The following TMEM50A variants were observed in gnomAD, a reference collection of about 807,000 sequenced individuals.
TMEM50A encodes transmembrane protein 50A.
In TMEM50A, 8 loss-of-function variants were observed where a neutral mutation model predicts 23.9. The observed-to-expected ratio is 0.33, with a 90% CI of 0.20 to 0.60. The LOEUF is 0.60. Ranked by LOEUF, TMEM50A falls within the 20% of genes least tolerant of loss-of-function variation. The probability of loss-of-function intolerance (pLI) is 0.81; values close to 1 mark genes in which losing one functional copy is unlikely to be tolerated. For missense variants in TMEM50A, 178 were observed against 192.7 expected (o/e 0.92, Z 0.45); for synonymous variants, 55 against 60.4 (o/e 0.91, Z 0.41).
intron 2 of TMEM50A, among the ~76,000 whole-genome samples, chr1:25,341,903 G>A (rs1339107696): frequency 2.0e-5 from 3 of 151,580 alleles, no homozygotes; most frequent in Non-Finnish European, 4.4e-5. Context: ...TAGAGATGAG[G>A]TCTCTCCATG....
intron 5 of TMEM50A, among the ~76,000 whole-genome samples, chr1:25,355,061 C>T (rs1188153473): frequency 4.6e-5 from 7 of 152,184 alleles, no homozygotes; most frequent in Non-Finnish European, 1.0e-4. Context: ...AGTGAGCCAC[C>T]ACGCCCAGCC....
At chr1:25,349,651 T>C (rs2124249772) in intron 3 of TMEM50A, among the ~76,000 whole-genome samples, 1 of 152,328 alleles carries the variant, frequency 6.6e-6, no homozygotes, top group East Asian at 1.9e-4. Context: ...TACAAGGTCT[T>C]ACTATGTTGC....
chr1:25,349,148 G>A (rs914174890), intron 3 of TMEM50A, among the ~76,000 whole-genome samples: 1 of 152,186 alleles, frequency 6.6e-6, no homozygotes, highest in African/African-American at 2.4e-5. Flanking sequence ...CGCTAAGAGT[G>A]CCCAGAACAG....
At position 25,361,594 on chromosome 1, in the gene TMEM50A, T is replaced by C. The variant is rs892014357; in HGVS notation, c.*889T>C. 2 of 152,388 alleles carry C rather than the reference T, an allele frequency of 1.3e-5. No individual in the cohort carries two copies. Among genetic ancestry groups the C allele is most frequent in the African/African-American group, 4.8e-5 (2 of 41,456 alleles). 9.4% of individuals were successfully genotyped at this position (152,388 alleles called of 1,614,324 possible). ...AACATTAGCTACTGGGAACTCTTGT[T>C]GTCTCTTCCTCTTCAGAACTCTTGT... On this transcript the variant is annotated 3_prime_UTR_variant, in exon 7 of 7. Transcript: ENST00000374358.
chr1:25,356,728 C>T (rs1645336725), intron 5 of TMEM50A, 65 bp from the exon 6 acceptor site: 35 of 1,222,414 alleles, frequency 2.9e-5, no homozygotes, highest in Non-Finnish European at 4.0e-5. Context: ...CTGGTATTTG[C>T]CAATATATCT....
chr1:25,350,577 G>A (rs959389224), intron 3 of TMEM50A, among the ~76,000 whole-genome samples: 5 of 151,914 alleles, frequency 3.3e-5, no homozygotes, highest in Admixed American at 6.6e-5. Flanking sequence ...TAGTAGAGAC[G>A]GGGTTTCTCT....
intron 3 of TMEM50A, among the ~76,000 whole-genome samples, chr1:25,345,544 C>T (rs1645205618): frequency 6.6e-6 from 1 of 151,912 alleles, no homozygotes; most frequent in African/African-American, 2.4e-5. Context: ...CATGCCACTA[C>T]ACTCCAGCCT....
chr1:25,347,853 C>T (rs775936965), intron 3 of TMEM50A, among the ~76,000 whole-genome samples: 1 of 152,160 alleles, frequency 6.6e-6, no homozygotes, highest in Non-Finnish European at 1.5e-5. Context: ...CATCTTGTTG[C>T]AATTTATTTT....
intron 2 of TMEM50A, chr1:25,342,523 G>C (rs1398832458): frequency 2.6e-5 from 4 of 152,778 alleles, no homozygotes; most frequent in Non-Finnish European, 4.4e-5. Flanking sequence ...CAAGAAGATA[G>C]CTAAAATTCT....
chr1:25,351,242 T>A (rs1351007418), intron 3 of TMEM50A, among the ~76,000 whole-genome samples: 2 of 151,880 alleles, frequency 1.3e-5, no homozygotes, highest in Non-Finnish European at 2.9e-5. Flanking sequence ...TGAAGGCTTA[T>A]GAGCCAGGTG....
intron 5 of TMEM50A, among the ~76,000 whole-genome samples, chr1:25,355,878 T>G (rs960607443): frequency 5.9e-5 from 9 of 152,350 alleles, no homozygotes; most frequent in African/African-American, 1.9e-4. Context: ...TTCCAGGTGT[T>G]TAGGCCAAAA....
rs775789415 is a variant in TMEM50A, at chr1:25,345,120, CTTTTTTTTTTT to C, written c.206+2057_206+2067del. 3.5e-4 allele frequency among the ~76,000 whole-genome samples: 41 copies of C among 117,464 alleles called. 1 individual carries two copies. Among genetic ancestry groups the C allele is most frequent in the African/African-American group, 1.2e-3 (36 of 31,152 alleles). The allele number at this position is 117,464 out of a possible 152,430, so 77.1% of individuals were successfully genotyped here. The stretch of plus-strand genomic sequence containing the variant: ...ACTGTTTTTCCAGTTACCACATCTT[CTTTTTTTTTTT>C]TTTTTTTTTGGATACAAGAAGTATT... On this transcript the variant is annotated intron_variant, in intron 3 of 6. Coordinates refer to ENST00000374358, the MANE Select transcript of TMEM50A (RefSeq NM_014313.4).
At chr1:25,350,554 A>C (rs1645265349) in intron 3 of TMEM50A, among the ~76,000 whole-genome samples, 1 of 151,986 alleles carries the variant, frequency 6.6e-6, no homozygotes. Context: ...ATGCCCAGCT[A>C]ATTTTGTATT....
At chr1:25,357,866 T>C (rs1645352158) in intron 6 of TMEM50A, among the ~76,000 whole-genome samples, 1 of 151,484 alleles carries the variant, frequency 6.6e-6, no homozygotes, top group Non-Finnish European at 1.5e-5. Flanking sequence ...TCTTGATTCC[T>C]GATCTCGTGA....
chr1:25,348,483 G>A (rs1161120317), intron 3 of TMEM50A, among the ~76,000 whole-genome samples: 3 of 152,032 alleles, frequency 2.0e-5, no homozygotes, highest in South Asian at 2.1e-4. Context: ...TCAGGAGATC[G>A]AGACCATCCT....
chr1:25,359,848 C>T (rs1645376660), intron 6 of TMEM50A, among the ~76,000 whole-genome samples: 1 of 152,162 alleles, frequency 6.6e-6, no homozygotes, highest in South Asian at 2.1e-4. Context: ...ATATTACCAC[C>T]TCTGTAAATC....
At chr1:25,343,285 C>T (rs1645183844) in intron 3 of TMEM50A, among the ~76,000 whole-genome samples, 1 of 152,168 alleles carries the variant, frequency 6.6e-6, no homozygotes, top group African/African-American at 2.4e-5. Context: ...CAGCTTCTCT[C>T]AGCTATTCTT....
intron 3 of TMEM50A, among the ~76,000 whole-genome samples, chr1:25,347,864 A>C (rs964233257): frequency 1.1e-4 from 17 of 152,204 alleles, no homozygotes; most frequent in East Asian, 3.8e-4. Flanking sequence ...AATTTATTTT[A>C]CCGTAATAAT....
chr1:25,358,718 T>C (rs1484077457), intron 6 of TMEM50A, among the ~76,000 whole-genome samples: 1 of 152,242 alleles, frequency 6.6e-6, no homozygotes, highest in Non-Finnish European at 1.5e-5. Flanking sequence ...GACTGGTCCC[T>C]GGCTCTTGCC....
Sources: allele counts gnomAD v4.1 joint callset (sites outside exome capture counted in the v4.1 genomes callset), GRCh38; gene constraint gnomAD v4.1.1; transcripts MANE v1.5; gene names NCBI Gene and HGNC (gene_info 2026-07-23, HGNC 2026-07-21).